The following PRRG4 variants were observed in gnomAD, a reference collection of about 807,000 sequenced individuals.
PRRG4 encodes the protein proline rich and Gla domain 4, also known as transmembrane gamma-carboxyglutamic acid protein 4.
In PRRG4, 12 loss-of-function variants were observed where a neutral mutation model predicts 20.0. That is an observed-to-expected ratio of 0.60 (90% CI 0.38 to 0.97). The LOEUF is 0.97. Ranked by LOEUF, PRRG4 falls within the 50% of genes least tolerant of loss-of-function variation. The pLI is 0.00. For missense variants in PRRG4, 199 were observed against 265.1 expected (o/e 0.75, Z 1.73); for synonymous variants, 94 against 96.4 (o/e 0.98, Z 0.15).
Position 32,836,723 on chromosome 11 carries a change from C to G in PRRG4, c.169C>G (p.Leu57Val). 6.2e-7 allele frequency: 1 copy of G among 1,611,468 alleles called. No homozygotes were observed. The change falls in exon 3 of 6, where the codon CTG becomes GTG. Residue 57 changes from leucine to valine, a missense_variant. By Grantham distance (32) the Leu-to-Val change is conservative (BLOSUM62 1). Coordinates refer to ENST00000257836, the MANE Select transcript of PRRG4 (RefSeq NM_024081.6). The stretch of plus-strand genomic sequence containing the variant: ...ACGCCTTCTGTATAATAGATTTGAT[C>G]TGGAGCTCTTCACTCCCGGCAACCT... ...HRRLLYNRFD[L>V]ELFTPGNLER...
intron 5 of PRRG4, among the ~76,000 whole-genome samples, chr11:32,844,797 G>A (rs996735657): frequency 4.6e-5 from 7 of 151,904 alleles, no homozygotes; most frequent in African/African-American, 1.5e-4. Flanking sequence ...CACTGCACCC[G>A]GCCCAGCTAT....
chr11:32,831,744 G>A (rs994545541), intron 2 of PRRG4, among the ~76,000 whole-genome samples: 7 of 152,090 alleles, frequency 4.6e-5, no homozygotes, highest in African/African-American at 1.2e-4. Flanking sequence ...CACTCTCGCC[G>A]GCACGGTGGC....
At chr11:32,829,880 G>A (rs1850945525), upstream of PRRG4, 2 of 985,426 alleles carry the variant, frequency 2.0e-6, no homozygotes, top group Non-Finnish European at 1.2e-6. Flanking sequence ...CGGCCCCCGG[G>A]AGGTGGGGCG....
intron 5 of PRRG4, among the ~76,000 whole-genome samples, chr11:32,847,427 C>G (rs1020259756): frequency 1.1e-4 from 17 of 152,098 alleles, no homozygotes; most frequent in African/African-American, 3.9e-4. Context: ...CAGTGAGAGC[C>G]AGGTGCAGTG....
At position 32,853,769 on chromosome 11, in the gene PRRG4, A is replaced by G. The variant is rs1349555386; in HGVS notation, c.*242A>G. On this transcript the variant is annotated 3_prime_UTR_variant, in exon 6 of 6. Transcript: ENST00000257836. ...CTCGAACCTGGGAGGCAGAGGTTGC[A>G]GTAAGCTGAGATCACGCCACTGCAT... 2.3e-5 allele frequency: 10 copies of G among 437,012 alleles called. No individual in the cohort carries two copies. The highest frequency in any genetic ancestry group is 4.2e-5 in the Non-Finnish European group (10 of 237,248). 27.1% of individuals were successfully genotyped at this position (437,012 alleles called of 1,614,324 possible).
chr11:32,850,663 T>C (rs1003356316), intron 5 of PRRG4, among the ~76,000 whole-genome samples: 1 of 152,188 alleles, frequency 6.6e-6, no homozygotes, highest in Admixed American at 6.5e-5. Context: ...AGCAGAGTTA[T>C]TTGTTTCTAT....
At chr11:32,849,778 G>C (rs995945345) in intron 5 of PRRG4, among the ~76,000 whole-genome samples, 2 of 152,228 alleles carry the variant, frequency 1.3e-5, no homozygotes, top group Non-Finnish European at 2.9e-5. Context: ...TGCCAGCAAA[G>C]ACAGAAGAGG....
chr11:32,841,716 G>A (rs1851081524), intron 5 of PRRG4, among the ~76,000 whole-genome samples: 1 of 151,908 alleles, frequency 6.6e-6, no homozygotes, highest in Non-Finnish European at 1.5e-5. Context: ...GGGCTGAGGT[G>A]GGAGGATCAT....
chr11:32,834,482 T>C (rs941805133), intron 2 of PRRG4, among the ~76,000 whole-genome samples: 1 of 152,198 alleles, frequency 6.6e-6, no homozygotes, highest in Non-Finnish European at 1.5e-5. Flanking sequence ...TGTAGCTTCC[T>C]GCTTGGTTCA....
intron 5 of PRRG4, among the ~76,000 whole-genome samples, chr11:32,845,978 A>C (rs1425944238): frequency 6.6e-6 from 1 of 151,928 alleles, no homozygotes; most frequent in African/African-American, 2.4e-5. Context: ...AACATGATAA[A>C]ACCCCATCTC....
Position 32,853,316 on chromosome 11 carries a change from G to T in PRRG4, c.470G>T (p.Arg157Met), listed in dbSNP as rs766117931. 6.2e-7 allele frequency: 1 copy of T among 1,613,872 alleles called. No homozygotes were observed. Among genetic ancestry groups the T allele is most frequent in the East Asian group, 2.2e-5 (1 of 44,868 alleles). The change falls in exon 6 of 6, where the codon AGG becomes ATG. Residue 157 changes from arginine to methionine, a missense_variant. Coordinates refer to ENST00000257836, the MANE Select transcript of PRRG4 (RefSeq NM_024081.6). ...QHPCSSAVYERGRHTPSIIFR... is the reference protein window; with the variant it reads ...QHPCSSAVYEMGRHTPSIIFR... ...CTTAGCTCTTCAGCCGTCTATGAAA[G>T]GGGGAGGCACACTCCCTCCATCATT...
rs767092665 is a variant in PRRG4, at chr11:32,853,354, G to C, written c.508G>C (p.Glu170Gln). Reference sequence around the variant, plus strand: ...TCCCTCCATCATTTTCAGAAGACCTGAGGAGGCTGCCTTGTCTCCATTGCC... The same window carrying C: ...TCCCTCCATCATTTTCAGAAGACCTCAGGAGGCTGCCTTGTCTCCATTGCC... The part of the protein sequence containing the change: ...HTPSIIFRRP[E>Q]EAALSPLPPS... The change falls in exon 6 of 6, where the codon GAG (glutamate) becomes CAG (glutamine). Residue 170 changes from glutamate (E) to glutamine (Q), a missense_variant. Transcript: ENST00000257836. 5 of 1,614,004 alleles carry C rather than the reference G, an allele frequency of 3.1e-6. No individual in the cohort carries two copies. In the East Asian group the frequency reaches 8.9e-5, roughly 29 times the overall value.
In PRRG4 at chr11:32,840,100, T is replaced by G; in HGVS notation, c.317-7T>G. ...ATATTTATGTTATTTTAATGATTTA[T>G]TTTAAGATGGCAACAGAGAGAAAAT... On this transcript the variant is annotated splice_region_variant and splice_polypyrimidine_tract_variant and intron_variant, in intron 4 of 5. Coordinates refer to ENST00000257836, the MANE Select transcript of PRRG4 (RefSeq NM_024081.6). This position sits in a 1 kb window ranked among gnomAD's most constrained non-coding sequence, Gnocchi z 4.1. The G allele has an allele frequency of 6.3e-7, 1 of 1,586,898 alleles. No individual in the cohort carries two copies. The highest frequency in any genetic ancestry group is 8.6e-7 in the Non-Finnish European group (1 of 1,156,698).
chr11:32,831,837 A>G (rs1850974415), intron 2 of PRRG4, among the ~76,000 whole-genome samples: 1 of 152,068 alleles, frequency 6.6e-6, no homozygotes, highest in African/African-American at 2.4e-5. Context: ...CCTGGCCAAC[A>G]TGGTGAAACC....
chr11:32,842,930 C>A (rs1410404941), intron 5 of PRRG4, among the ~76,000 whole-genome samples: 2 of 151,726 alleles, frequency 1.3e-5, no homozygotes, highest in Admixed American at 6.6e-5. Context: ...CGGCTCACTG[C>A]AACCTCTGCC....
chr11:32,835,928 C>T (rs1171535269), intron 2 of PRRG4, among the ~76,000 whole-genome samples: 3 of 151,930 alleles, frequency 2.0e-5, no homozygotes, highest in Non-Finnish European at 4.4e-5. Flanking sequence ...ATAGTGAAAC[C>T]TCATATCTAC....
At chr11:32,841,137 C>T (rs562628781) in intron 5 of PRRG4, among the ~76,000 whole-genome samples, 1 of 151,150 alleles carries the variant, frequency 6.6e-6, no homozygotes, top group African/African-American at 2.4e-5. Context: ...TCACTATTCA[C>T]ACTTTCAAAT....
In PRRG4 at chr11:32,857,581, A is replaced by G. The variant is rs1443770650; in HGVS notation, c.*4054A>G. 1 of 152,118 alleles carries G rather than the reference A, an allele frequency of 6.6e-6. No homozygotes were observed. The highest frequency in any genetic ancestry group is 2.4e-5 in the African/African-American group (1 of 41,422). The allele number at this position is 152,118 out of a possible 1,614,324, so 9.4% of individuals were successfully genotyped here. ...GTTTGCCTCTAAAATTCTAATCCAT[A>G]TTTTTCTACTTCTCAGATAATTTAT... On this transcript the variant is annotated 3_prime_UTR_variant, in exon 6 of 6. Coordinates refer to ENST00000257836, the MANE Select transcript of PRRG4 (RefSeq NM_024081.6).
chr11:32,836,982 G>T (rs986190474), intron 3 of PRRG4, among the ~76,000 whole-genome samples, 161 bp downstream of exon 3: 4 of 152,074 alleles, frequency 2.6e-5, no homozygotes, highest in African/African-American at 9.7e-5. Flanking sequence ...ATTTAGACTT[G>T]GCTTTACACC....
Sources: allele counts gnomAD v4.1 joint callset (sites outside exome capture counted in the v4.1 genomes callset), GRCh38; gene constraint gnomAD v4.1.1; non-coding constraint Gnocchi (gnomAD v3.1); transcripts MANE v1.5; gene names NCBI Gene and HGNC (gene_info 2026-07-23, HGNC 2026-07-21).